Variants in SCN8A observed in about 807,000 individuals in gnomAD.
SCN8A encodes the protein sodium channel protein type 8 subunit alpha.
Under a neutral mutation model 184.1 loss-of-function variants are expected in SCN8A, and 30 were observed. The ratio of observed to expected loss-of-function variants is 0.16; its 90% CI spans 0.12 to 0.22. The LOEUF is 0.22. Among genes scored for constraint, SCN8A ranks in the 10% least tolerant of loss-of-function variants. SCN8A has a pLI of 1.00. For synonymous variants in SCN8A, 852 were observed against 907.0 expected, an observed-to-expected ratio of 0.94 and a Z score of 1.09; for missense variants, 1,057 against 2,498.9, an observed-to-expected ratio of 0.42 and a Z score of 12.30.
intron 1 of SCN8A, among the ~76,000 whole-genome samples, chr12:51,641,493 A>G (rs916450920): frequency 6.6e-6 from 1 of 152,200 alleles, no homozygotes; most frequent in African/African-American, 2.4e-5. Flanking sequence ...TCTGCTACTT[A>G]TTATCTTTGT....
At chr12:51,614,801 A>G (rs1375159593) in intron 1 of SCN8A, among the ~76,000 whole-genome samples, 4 of 147,230 alleles carry the variant, frequency 2.7e-5, no homozygotes, top group Non-Finnish European at 6.0e-5. Context: ...TTTTTTTTTA[A>G]ATCCATTCTG....
chr12:51,793,024 CAGGCG>C (rs553746705), intron 25 of SCN8A, among the ~76,000 whole-genome samples: 213 of 152,220 alleles, frequency 1.4e-3, no homozygotes, highest in Non-Finnish European at 2.3e-3. Flanking sequence ...GCTGGGATTA[CAGGCG>C]TGAGCCACCG....
chr12:51,680,484 A>G (rs913894856), intron 2 of SCN8A, among the ~76,000 whole-genome samples: 1 of 152,124 alleles, frequency 6.6e-6, no homozygotes, highest in Non-Finnish European at 1.5e-5. Flanking sequence ...CCATTTCCTA[A>G]TGGCTTCCTT....
chr12:51,794,779 C>A, intron 26 of SCN8A, 138 bp downstream of exon 26: 1 of 788,834 alleles, frequency 1.3e-6, no homozygotes, highest in Non-Finnish European at 2.0e-6. Context: ...CATGTGTGCC[C>A]CTGAGTCATC....
chr12:51,751,715 A>G lies in SCN8A; in HGVS notation c.2370+122A>G, dbSNP rs1942598103. On this transcript the variant is annotated intron_variant, in intron 14 of 26. Transcript: ENST00000627620. ...GAAAGTAATAGTTAATTGGAAGACA[A>G]ATGCTTCCACATATGCCAGGACACC... 7 of 721,288 alleles carry G rather than the reference A, an allele frequency of 9.7e-6. No individual in the cohort carries two copies. The South Asian group carries it at 9.8e-5, about 10-fold the overall frequency. The allele number at this position is 721,288 out of a possible 1,614,324, so 44.7% of individuals were successfully genotyped here. A position where few individuals can be genotyped will look rare whatever the true frequency, so the allele number is the denominator to read the frequency against.
chr12:51,798,663 CAG>C (rs1383004716), intron 26 of SCN8A, among the ~76,000 whole-genome samples: 3 of 152,198 alleles, frequency 2.0e-5, no homozygotes, highest in African/African-American at 4.8e-5. Context: ...TGGGCAATGA[CAG>C]GGGTGCCTGG....
chr12:51,639,118 A>G (rs1940385216), intron 1 of SCN8A, among the ~76,000 whole-genome samples: 1 of 151,930 alleles, frequency 6.6e-6, no homozygotes, highest in East Asian at 2.0e-4. Context: ...AGCTGGGACT[A>G]CAGGCTTCAG....
chr12:51,769,417 TG>T, intron 17 of SCN8A, 82 bp downstream of exon 17: 1 of 972,346 alleles, frequency 1.0e-6, no homozygotes, highest in Non-Finnish European at 1.5e-6. Flanking sequence ...GGTTCAGCTA[TG>T]GGCTTGGTAG....
intron 1 of SCN8A, among the ~76,000 whole-genome samples, chr12:51,629,858 T>G (rs74091854): frequency 0.017 from 2,531 of 151,832 alleles, 72 homozygotes; most frequent in African/African-American, 0.055. Flanking sequence ...AGAGGAGAGG[T>G]GTGAATTAGT....
chr12:51,714,925 A>G (rs1941940870), intron 11 of SCN8A, among the ~76,000 whole-genome samples: 1 of 152,230 alleles, frequency 6.6e-6, no homozygotes. Flanking sequence ...GATTTTGAAA[A>G]GAGGGAGTAA....
chr12:51,669,454 C>G (rs2138682633), intron 2 of SCN8A, among the ~76,000 whole-genome samples: 1 of 152,264 alleles, frequency 6.6e-6, no homozygotes, highest in South Asian at 2.1e-4. Context: ...TTCCTGTTTC[C>G]TTAGTGTGGA....
chr12:51,689,217 T>C, intron 6 of SCN8A, 121 bp downstream of exon 6: 1 of 790,966 alleles, frequency 1.3e-6, no homozygotes. Flanking sequence ...TCTGCATGTT[T>C]TTCCTGGGAG....
intron 8 of SCN8A, among the ~76,000 whole-genome samples, chr12:51,701,692 C>A (rs1415803660): frequency 6.6e-6 from 1 of 152,072 alleles, no homozygotes; most frequent in Non-Finnish European, 1.5e-5. Context: ...TTTTTTTCAT[C>A]CATAAAATGG....
chr12:51,707,686 A>G (rs578170348), intron 11 of SCN8A, among the ~76,000 whole-genome samples: 1 of 152,370 alleles, frequency 6.6e-6, no homozygotes, highest in South Asian at 2.1e-4. Context: ...AACCAAGTTG[A>G]CATGCAGTAT....
chr12:51,659,516 A>G (rs1940887092), intron 1 of SCN8A, among the ~76,000 whole-genome samples: 1 of 152,228 alleles, frequency 6.6e-6, no homozygotes, highest in Non-Finnish European at 1.5e-5. Context: ...TCTTGCAGAG[A>G]AGCCATAGAA....
intron 26 of SCN8A, among the ~76,000 whole-genome samples, chr12:51,803,216 A>G (rs1348621916): frequency 6.6e-6 from 1 of 152,178 alleles, no homozygotes; most frequent in Non-Finnish European, 1.5e-5. Flanking sequence ...CTGTAAGTCC[A>G]AGGGTCCAAA....
At chr12:51,788,529 C>T (rs2138907943) in intron 22 of SCN8A, 166 bp from the exon 23 acceptor site, 1 of 423,762 alleles carries the variant, frequency 2.4e-6, no homozygotes, top group Non-Finnish European at 4.2e-6. Context: ...ACAAAGCCCT[C>T]CTGGGACCTG....
At chr12:51,655,366 A>G (rs1003777587) in intron 1 of SCN8A, among the ~76,000 whole-genome samples, 11 of 110,666 alleles carry the variant, frequency 9.9e-5, no homozygotes, top group Non-Finnish European at 1.8e-4. Flanking sequence ...TTGGCATTTT[A>G]AGGTCTTTTT....
chr12:51,749,638 C>T (rs959499375), intron 13 of SCN8A, among the ~76,000 whole-genome samples: 4 of 152,070 alleles, frequency 2.6e-5, no homozygotes, highest in African/African-American at 7.2e-5. Context: ...TCCCACGTGG[C>T]GCTTACAGGG....
Sources: allele counts gnomAD v4.1 joint callset (sites outside exome capture counted in the v4.1 genomes callset), GRCh38; gene constraint gnomAD v4.1.1; transcripts MANE v1.5; gene names NCBI Gene and HGNC (gene_info 2026-07-23, HGNC 2026-07-21).